FRAS1: variants seen among roughly 807,000 people sequenced by gnomAD.
FRAS1 encodes the protein extracellular matrix organizing protein FRAS1.
Under a neutral mutation model 435.2 loss-of-function variants are expected in FRAS1, and 290 were observed. The observed-to-expected ratio is 0.67, with a 90% CI of 0.61 to 0.73. FRAS1 has a LOEUF of 0.73. FRAS1 is among the 30% of genes least tolerant of loss of function. FRAS1 has a pLI of 0.00. For synonymous variants in FRAS1, 1,800 were observed against 1,851.0 expected, an observed-to-expected ratio of 0.97 and a Z score of 0.71; for missense variants, 4,860 against 5,001.5, an observed-to-expected ratio of 0.97 and a Z score of 0.85.
At position 78,317,477 on chromosome 4, in the gene FRAS1, G is replaced by A; in HGVS notation, c.1929G>A (p.Glu643=). 2 of 1,613,768 alleles carry A rather than the reference G, an allele frequency of 1.2e-6. No individual in the cohort carries two copies. Among genetic ancestry groups the A allele is most frequent in the Non-Finnish European group, 1.7e-6 (2 of 1,179,776 alleles). Residue 643 remains glutamate (E), a synonymous_variant, in exon 17 of 74, where the codon GAG becomes GAA. Coordinates refer to ENST00000512123, the MANE Select transcript of FRAS1 (RefSeq NM_025074.7). ...RQGHCLPRCG[E]GFYSDHGVCK... ...GCCACTGTCTGCCCCGCTGTGGAGAGGGTTTCTACTCTGACCATGGAGTCT... is the reference window on the plus strand; with the variant it reads ...GCCACTGTCTGCCCCGCTGTGGAGAAGGTTTCTACTCTGACCATGGAGTCT...
intron 2 of FRAS1, among the ~76,000 whole-genome samples, chr4:78,224,539 C>T (rs565438649): frequency 1.3e-5 from 2 of 152,012 alleles, no homozygotes; most frequent in South Asian, 4.2e-4. Context: ...GGGCATATAA[C>T]TTTTGTTTTT....
intron 47 of FRAS1, among the ~76,000 whole-genome samples, chr4:78,455,420 A>AGCG (rs1553962050): frequency 1.3e-5 from 2 of 149,114 alleles, no homozygotes; most frequent in African/African-American, 5.1e-5. Context: ...GGAGTTGAGG[A>AGCG]GGGAGGGGGT....
chr4:78,536,979 C>T lies in FRAS1; in HGVS notation c.11093-16C>T, dbSNP rs771445926. On this transcript the variant is annotated splice_polypyrimidine_tract_variant and intron_variant, in intron 71 of 73. Coordinates refer to ENST00000512123, the MANE Select transcript of FRAS1 (RefSeq NM_025074.7). Reference sequence around the variant, plus strand: ...TCTTAAAGTCTGACCTAATTAATACCTTTCAATCTTTTCAGGTCAAATCCT... The same window carrying T: ...TCTTAAAGTCTGACCTAATTAATACTTTTCAATCTTTTCAGGTCAAATCCT... 1.1e-5 allele frequency: 18 copies of T among 1,605,696 alleles called. No homozygotes were observed. The highest frequency in any genetic ancestry group is 1.7e-4 in the Middle Eastern group (1 of 6,044).
intron 14 of FRAS1, among the ~76,000 whole-genome samples, chr4:78,287,381 A>G (rs1697802939): frequency 6.6e-6 from 1 of 152,184 alleles, no homozygotes; most frequent in South Asian, 2.1e-4. Context: ...AACAAAGACA[A>G]GGGACAGAGA....
At chr4:78,476,418 AGG>A (rs34660382) in intron 54 of FRAS1, among the ~76,000 whole-genome samples, 37,049 of 151,980 alleles carry the variant, frequency 0.24, 5,075 homozygotes, top group South Asian at 0.52. Flanking sequence ...CAACAAATAC[AGG>A]GCCCCATGTA....
intron 2 of FRAS1, among the ~76,000 whole-genome samples, chr4:78,186,356 G>A (rs1370902170): frequency 6.6e-6 from 1 of 151,812 alleles, no homozygotes; most frequent in South Asian, 2.1e-4. Flanking sequence ...AATGCCATCT[G>A]TTCAAGGCTT....
At chr4:78,183,511 G>A (rs1321553998) in intron 2 of FRAS1, among the ~76,000 whole-genome samples, 4 of 152,092 alleles carry the variant, frequency 2.6e-5, no homozygotes, top group African/African-American at 7.2e-5. Context: ...AAAATGTATT[G>A]TATTGTTTCT....
At chr4:78,200,885 ATG>A (rs1491152871) in intron 2 of FRAS1, among the ~76,000 whole-genome samples, 2 of 135,988 alleles carry the variant, frequency 1.5e-5, no homozygotes, top group East Asian at 2.1e-4. Flanking sequence ...ATATATATAT[ATG>A]TATATATATA....
intron 36 of FRAS1, among the ~76,000 whole-genome samples, chr4:78,429,666 CTAAT>C (rs1052034008): frequency 6.6e-6 from 1 of 152,156 alleles, no homozygotes; most frequent in Non-Finnish European, 1.5e-5. Flanking sequence ...ATTATATGTA[CTAAT>C]TAGTGAATTT....
chr4:78,127,944 T>A lies in FRAS1; in HGVS notation c.108+61928T>A, dbSNP rs578063296. On this transcript the variant is annotated intron_variant, in intron 2 of 73. Coordinates refer to ENST00000512123, the MANE Select transcript of FRAS1 (RefSeq NM_025074.7). The stretch of plus-strand genomic sequence containing the variant: ...CAGGCCCTGGTGTGTGATGTTCCCT[T>A]TCCTGTGTCCATGTGTTCTCATTGT... Among the ~76,000 whole-genome samples the A allele has an allele frequency of 5.9e-4, 80 of 135,470 alleles. 3 individuals carry two copies. The highest frequency in any genetic ancestry group is 2.1e-3 in the African/African-American group (78 of 36,828). The allele number at this position is 135,470 out of a possible 152,430, so 88.9% of individuals were successfully genotyped here. A position where few individuals can be genotyped will look rare whatever the true frequency, so the allele number is the denominator to read the frequency against.
At chr4:78,300,484 T>C (rs79191096) in intron 14 of FRAS1, among the ~76,000 whole-genome samples, 1 of 152,012 alleles carries the variant, frequency 6.6e-6, no homozygotes, top group African/African-American at 2.4e-5. Context: ...AAGGAAACTT[T>C]CCTTTGTCTT....
intron 6 of FRAS1, among the ~76,000 whole-genome samples, chr4:78,261,510 C>G (rs1022984795): frequency 3.9e-5 from 6 of 152,050 alleles, no homozygotes; most frequent in African/African-American, 9.7e-5. Context: ...TTGACCTTCC[C>G]CCTGCGCTTC....
At chr4:78,421,289 G>A (rs564514409) in intron 33 of FRAS1, among the ~76,000 whole-genome samples, 2 of 151,998 alleles carry the variant, frequency 1.3e-5, no homozygotes, top group African/African-American at 2.4e-5. Flanking sequence ...CTGGGATTAC[G>A]GGTGCGTGCC....
rs56232674 is a variant in FRAS1, at chr4:78,416,239, A to C, written c.4426-2710A>C. Among the ~76,000 whole-genome samples, 945 of 151,890 alleles carry C rather than the reference A, an allele frequency of 6.2e-3. 12 individuals are homozygous for C. The highest frequency in any genetic ancestry group is 0.022 in the African/African-American group (887 of 41,154). On this transcript the variant is annotated intron_variant, in intron 32 of 73. Transcript: ENST00000512123. ...CTGCTTATATAAGATATAAAGTAGA[A>C]TGTAGTCAAAAGAAGTAGAAAGTAG...
chr4:78,180,292 A>C (rs1721943545), intron 2 of FRAS1, among the ~76,000 whole-genome samples: 1 of 152,214 alleles, frequency 6.6e-6, no homozygotes, highest in African/African-American at 2.4e-5. Flanking sequence ...TATCATGAGA[A>C]GTGAAAAAAG....
At chr4:78,337,577 G>A in intron 19 of FRAS1, 97 bp from the exon 20 acceptor site, 1 of 1,361,956 alleles carries the variant, frequency 7.3e-7, no homozygotes, top group Non-Finnish European at 1.0e-6. Flanking sequence ...TAGAGTTGGA[G>A]GTCTGCTTTT....
chr4:78,494,598 G>A (rs573445291), intron 59 of FRAS1, among the ~76,000 whole-genome samples: 4 of 152,286 alleles, frequency 2.6e-5, no homozygotes, highest in Admixed American at 2.0e-4. Context: ...TGAGAGAACT[G>A]TCCCCATCAC....
rs142510925 is a variant in FRAS1, at chr4:78,089,999, C to T, written c.108+23983C>T. On this transcript the variant is annotated intron_variant, in intron 2 of 73. Transcript: ENST00000512123. Reference sequence around the variant, plus strand: ...TGGTTTTCTGTCCCTATGTTACGAACTTCACCTTTTCATAATTTATTTGAA... The same window carrying T: ...TGGTTTTCTGTCCCTATGTTACGAATTTCACCTTTTCATAATTTATTTGAA... Among the ~76,000 whole-genome samples the T allele has an allele frequency of 1.8e-4, 27 of 152,270 alleles. No homozygotes were observed. In the East Asian group the frequency reaches 5.2e-3, roughly 29 times the overall value.
intron 2 of FRAS1, among the ~76,000 whole-genome samples, chr4:78,223,837 C>A (rs1724156899): frequency 6.6e-6 from 1 of 151,812 alleles, no homozygotes; most frequent in African/African-American, 2.4e-5. Context: ...TACTTTGAAC[C>A]CAAGAAATGG....
Sources: gnomAD v4.1 joint callset for allele counts (sites outside exome capture counted in the v4.1 genomes callset) on GRCh38, gnomAD v4.1.1 for gene constraint, MANE v1.5 for transcripts, NCBI Gene and HGNC (gene_info 2026-07-23, HGNC 2026-07-21) for gene names.